The following C10orf67 variants were observed in gnomAD, a reference collection of about 807,000 sequenced individuals.
C10orf67 encodes uncharacterized protein C10orf67, mitochondrial.
C10orf67 carries 60 observed loss-of-function variants against 35.6 expected under a neutral mutation model. The observed-to-expected ratio is 1.68, with a 90% CI of 1.37 to 2.09. The LOEUF (loss-of-function observed/expected upper bound fraction) is 2.09, where lower values mean the gene tolerates loss of function less well. Ranked by LOEUF, C10orf67 falls within the 30% of genes most tolerant of loss-of-function variation. C10orf67 has a pLI of 0.00. For synonymous variants in C10orf67, 167 were observed against 115.8 expected (o/e 1.44, Z -2.84); for missense variants, 474 against 330.2 (o/e 1.44, Z -3.38).
At position 23,322,567 on chromosome 10, in the gene C10orf67, A is replaced by G. The variant is rs767281063; in HGVS notation, c.328-30T>C. 2.0e-6 allele frequency: 3 copies of G among 1,481,538 alleles called. No homozygotes were observed. In the African/African-American group the frequency reaches 4.2e-5, roughly 21 times the overall value. 91.8% of individuals were successfully genotyped at this position (1,481,538 alleles called of 1,614,324 possible). On this transcript the variant is annotated intron_variant, in intron 2 of 15. Coordinates refer to ENST00000636213, the MANE Select transcript of C10orf67 (RefSeq NM_001371909.1). ...AAATGGAAAATATTATCCTTAGCGA[A>G]GTAACACAGGAACAGAAAACCAAAT...
At chr10:23,277,210 T>C (rs1016289681) in intron 8 of C10orf67, among the ~76,000 whole-genome samples, 1 of 152,182 alleles carries the variant, frequency 6.6e-6, no homozygotes, top group Non-Finnish European at 1.5e-5. Context: ...TACAGAAGCA[T>C]CTACGAGAAT....
At chr10:23,255,876 A>G (rs759483278) in intron 10 of C10orf67, among the ~76,000 whole-genome samples, 7 of 152,140 alleles carry the variant, frequency 4.6e-5, no homozygotes, top group Admixed American at 1.3e-4. Flanking sequence ...CTGCATCAAG[A>G]CTTGTCTGGA....
intron 4 of C10orf67, chr10:23,317,585 T>G (rs1844777960): frequency 6.6e-6 from 1 of 152,244 alleles, no homozygotes; most frequent in Non-Finnish European, 1.5e-5. Context: ...AATGATTACA[T>G]GGTTTATGGA....
intron 4 of C10orf67, among the ~76,000 whole-genome samples, chr10:23,312,918 G>A (rs145764464): frequency 0.011 from 1,643 of 152,266 alleles, 16 homozygotes; most frequent in Non-Finnish European, 0.018. Flanking sequence ...GACTGCGTTC[G>A]GACTCAAGCT....
chr10:23,332,704 T>C (rs1400946385), intron 2 of C10orf67, among the ~76,000 whole-genome samples: 1 of 150,990 alleles, frequency 6.6e-6, no homozygotes, highest in Non-Finnish European at 1.5e-5. Flanking sequence ...AAAGAAAATA[T>C]AACAAAATGT....
chr10:23,275,774 T>G lies in C10orf67; in HGVS notation c.975+6239A>C, dbSNP rs1226561208. ...TAAGCCCCATGTCCCTGGTCAATTT[T>G]TTATGCTTTTACAAAGATGTTTGTA... is the stretch of plus-strand genomic sequence containing the variant. On this transcript the variant is annotated intron_variant, in intron 8 of 15. Transcript: ENST00000636213. Among the ~76,000 whole-genome samples, 6 of 152,190 alleles carry G rather than the reference T, an allele frequency of 3.9e-5. No individual in the cohort carries two copies. In the East Asian group the frequency reaches 1.2e-3, roughly 29 times the overall value.
chr10:23,211,535 C>T (rs935285408), intron 15 of C10orf67, among the ~76,000 whole-genome samples: 3 of 151,240 alleles, frequency 2.0e-5, no homozygotes, highest in African/African-American at 7.3e-5. Flanking sequence ...GAGAAGGCAA[C>T]TTACTGCCTA....
chr10:23,247,487 G>C (rs929935745), intron 12 of C10orf67, among the ~76,000 whole-genome samples: 1 of 152,100 alleles, frequency 6.6e-6, no homozygotes, highest in Admixed American at 6.5e-5. Context: ...ATGCCATCTA[G>C]GTTTGTAAGC....
intron 5 of C10orf67, among the ~76,000 whole-genome samples, chr10:23,294,214 A>G (rs1843811001): frequency 6.6e-6 from 1 of 152,160 alleles, no homozygotes; most frequent in Non-Finnish European, 1.5e-5. Flanking sequence ...CTCTTGAATG[A>G]CAGCTCTGTT....
chr10:23,214,806 T>C (rs2132091815), intron 15 of C10orf67, among the ~76,000 whole-genome samples: 1 of 152,258 alleles, frequency 6.6e-6, no homozygotes, highest in African/African-American at 2.4e-5. Flanking sequence ...GCAGATCACT[T>C]GATGTCAGGA....
chr10:23,228,591 G>C (rs1841812754), intron 13 of C10orf67, among the ~76,000 whole-genome samples: 1 of 152,148 alleles, frequency 6.6e-6, no homozygotes, highest in African/African-American at 2.4e-5. Flanking sequence ...TGATGAATGG[G>C]ATCTGATTAA....
chr10:23,245,990 T>C (rs982387518), intron 12 of C10orf67, among the ~76,000 whole-genome samples: 4 of 152,094 alleles, frequency 2.6e-5, no homozygotes, highest in African/African-American at 9.7e-5. Context: ...AAAAATACGG[T>C]ACACATATGC....
chr10:23,245,347 C>T (rs1842290029), intron 12 of C10orf67, among the ~76,000 whole-genome samples: 2 of 152,090 alleles, frequency 1.3e-5, no homozygotes, highest in Admixed American at 1.3e-4. Context: ...CAACAAAAAA[C>T]AAGAACGAAT....
intron 2 of C10orf67, 42 bp downstream of exon 2, chr10:23,333,020 C>A: frequency 6.3e-7 from 1 of 1,591,294 alleles, no homozygotes; most frequent in Non-Finnish European, 8.6e-7. Flanking sequence ...GCAATTAACG[C>A]CAAAAATTAT....
intron 8 of C10orf67, among the ~76,000 whole-genome samples, chr10:23,277,654 C>G (rs1046270491): frequency 6.6e-6 from 1 of 151,794 alleles, no homozygotes; most frequent in Non-Finnish European, 1.5e-5. Flanking sequence ...GAAAGATTTT[C>G]TTATAAACAA....
At chr10:23,287,945 C>A (rs930564434) in intron 7 of C10orf67, among the ~76,000 whole-genome samples, 2 of 152,048 alleles carry the variant, frequency 1.3e-5, no homozygotes, top group East Asian at 3.9e-4. Flanking sequence ...GTCAGAATGG[C>A]GATTATTAAA....
chr10:23,255,555 A>T (rs1040477443), intron 10 of C10orf67, among the ~76,000 whole-genome samples: 2 of 151,088 alleles, frequency 1.3e-5, no homozygotes, highest in Non-Finnish European at 3.0e-5. Flanking sequence ...CCTTGTGTTC[A>T]TGTGTTCATG....
At chr10:23,239,840 C>G (rs1430709261) in intron 12 of C10orf67, 24 bp from the exon 13 acceptor site, 2 of 601,156 alleles carry the variant, frequency 3.3e-6, no homozygotes, top group Non-Finnish European at 6.5e-6. Context: ...AATGATGAAA[C>G]TTAAAATGTA....
chr10:23,335,589 G>C (rs1159252729), intron 1 of C10orf67, among the ~76,000 whole-genome samples: 2 of 151,992 alleles, frequency 1.3e-5, no homozygotes, highest in African/African-American at 2.4e-5. Context: ...AAATGTCATA[G>C]TTTTTTCATC....
Sources: allele counts gnomAD v4.1 joint callset (sites outside exome capture counted in the v4.1 genomes callset), GRCh38; gene constraint gnomAD v4.1.1; transcripts MANE v1.5; gene names NCBI Gene and HGNC (gene_info 2026-07-23, HGNC 2026-07-21).